Variants in INSYN2B observed in about 807,000 individuals in gnomAD.
The protein encoded by INSYN2B is protein INSYN2B.
INSYN2B carries 16 observed loss-of-function variants against 41.2 expected under a neutral mutation model. The observed-to-expected ratio is 0.39, with a 90% CI of 0.26 to 0.59. The LOEUF (loss-of-function observed/expected upper bound fraction) is 0.59. Ranked by LOEUF, INSYN2B falls within the 20% of genes least tolerant of loss-of-function variation. The pLI, the probability that INSYN2B is intolerant of heterozygous loss-of-function variation, is 0.57. For synonymous variants in INSYN2B, 245 were observed against 244.4 expected, an observed-to-expected ratio of 1.00 and a Z score of -0.02; for missense variants, 608 against 646.4, an observed-to-expected ratio of 0.94 and a Z score of 0.64.
intron 1 of INSYN2B, among the ~76,000 whole-genome samples, chr5:169,939,061 G>A (rs1029973684): frequency 4.6e-5 from 7 of 151,320 alleles, no homozygotes; most frequent in Non-Finnish European, 8.8e-5. Context: ...GCACCACCAC[G>A]CCCTGCTAAT....
intron 1 of INSYN2B, among the ~76,000 whole-genome samples, chr5:169,961,693 C>T (rs1020047553): frequency 1.2e-4 from 18 of 151,994 alleles, no homozygotes; most frequent in Non-Finnish European, 2.4e-4. Flanking sequence ...AGAATAGAAG[C>T]CAGGCCGGGT....
intron 1 of INSYN2B, among the ~76,000 whole-genome samples, chr5:169,931,486 A>C (rs1340422461): frequency 6.6e-6 from 1 of 152,222 alleles, no homozygotes. Context: ...GGCATATAAA[A>C]TTAGATGTGG....
chr5:169,972,566 TA>T (rs1365811254), intron 1 of INSYN2B, among the ~76,000 whole-genome samples: 14 of 59,434 alleles, frequency 2.4e-4, no homozygotes, highest in South Asian at 7.1e-4. Context: ...GATAGATAGA[TA>T]GATAGATAGA....
intron 3 of INSYN2B, among the ~76,000 whole-genome samples, chr5:169,877,078 C>T (rs1263089093): frequency 1.3e-5 from 2 of 152,158 alleles, no homozygotes; most frequent in African/African-American, 4.8e-5. Context: ...GTCCAGATAA[C>T]TGACATTTAA....
At chr5:169,900,321 A>T (rs747985943) in intron 1 of INSYN2B, among the ~76,000 whole-genome samples, 7 of 152,214 alleles carry the variant, frequency 4.6e-5, no homozygotes, top group Non-Finnish European at 7.3e-5. Flanking sequence ...TTCTATGATG[A>T]CTAGGAGTTC....
At chr5:169,891,944 C>T (rs1482278758) in intron 1 of INSYN2B, among the ~76,000 whole-genome samples, 2 of 146,494 alleles carry the variant, frequency 1.4e-5, no homozygotes, top group African/African-American at 5.1e-5. Flanking sequence ...TGCAGTGAGC[C>T]GAGATTGTGC....
chr5:169,945,411 C>T (rs1032532255), intron 1 of INSYN2B, among the ~76,000 whole-genome samples: 1 of 152,248 alleles, frequency 6.6e-6, no homozygotes, highest in Non-Finnish European at 1.5e-5. Context: ...AGTGAAAAAT[C>T]AGTGAGAATA....
intron 1 of INSYN2B, among the ~76,000 whole-genome samples, chr5:169,915,319 T>G (rs1166096707): frequency 6.6e-6 from 1 of 152,168 alleles, no homozygotes; most frequent in Non-Finnish European, 1.5e-5. Flanking sequence ...AAATCTTTAC[T>G]CAAAATCATC....
At chr5:169,922,267 T>C (rs143595367) in intron 1 of INSYN2B, among the ~76,000 whole-genome samples, 2 of 152,336 alleles carry the variant, frequency 1.3e-5, no homozygotes, top group African/African-American at 4.8e-5. Context: ...TCTCATCTTA[T>C]GGAGGAAAAG....
At chr5:169,945,221 GC>G (rs1776397603) in intron 1 of INSYN2B, among the ~76,000 whole-genome samples, 1 of 152,250 alleles carries the variant, frequency 6.6e-6, no homozygotes, top group South Asian at 2.1e-4. Flanking sequence ...GGAAAGTCAT[GC>G]AACCTCTCCA....
chr5:169,925,435 C>A (rs1189248705), intron 1 of INSYN2B, among the ~76,000 whole-genome samples: 2 of 152,062 alleles, frequency 1.3e-5, no homozygotes, highest in East Asian at 1.9e-4. Flanking sequence ...CAAAAATTAA[C>A]TGAGCGTGGT....
intron 1 of INSYN2B, among the ~76,000 whole-genome samples, chr5:169,910,986 T>C (rs1361376313): frequency 6.6e-6 from 1 of 152,136 alleles, no homozygotes; most frequent in Non-Finnish European, 1.5e-5. Context: ...GAATAATAAG[T>C]GAAACCCTCA....
Position 169,876,133 on chromosome 5 carries a change from CCTT to C in INSYN2B, c.1421+5232_1421+5234del, listed in dbSNP as rs533918611. Among the ~76,000 whole-genome samples the C allele has an allele frequency of 1.4e-3, 207 of 152,300 alleles. 1 individual carries two copies. Among genetic ancestry groups the C allele is most frequent in the Non-Finnish European group, 4.0e-4 (27 of 68,014 alleles). ...GACCTTTGCCTCTGGCGTCACATCT[CCTT>C]CTCTGACTCTGATCCTCTGGCCTCC... On this transcript the variant is annotated intron_variant, in intron 3 of 3. Coordinates refer to ENST00000377365, the MANE Select transcript of INSYN2B (RefSeq NM_001129891.3).
intron 3 of INSYN2B, among the ~76,000 whole-genome samples, chr5:169,871,453 A>G (rs1025897911): frequency 1.3e-5 from 2 of 152,230 alleles, no homozygotes; most frequent in Admixed American, 1.3e-4. Context: ...CTATGCTACA[A>G]GTTTACACTC....
At chr5:169,897,559 A>G (rs1298127112) in intron 1 of INSYN2B, among the ~76,000 whole-genome samples, 1 of 152,198 alleles carries the variant, frequency 6.6e-6, no homozygotes, top group East Asian at 1.9e-4. Context: ...AGACTTCACT[A>G]CTGTATCAAG....
At chr5:169,909,039 A>C (rs1774449091) in intron 1 of INSYN2B, among the ~76,000 whole-genome samples, 1 of 152,162 alleles carries the variant, frequency 6.6e-6, no homozygotes, top group African/African-American at 2.4e-5. Context: ...CCTAGAGTGA[A>C]TGTGAGCGAG....
At chr5:169,945,564 C>A (rs929021852) in intron 1 of INSYN2B, among the ~76,000 whole-genome samples, 1 of 152,174 alleles carries the variant, frequency 6.6e-6, no homozygotes, top group African/African-American at 2.4e-5. Context: ...GTGCTCATTT[C>A]GAAGGTGAGA....
At chr5:169,966,759 G>A (rs1382543249) in intron 1 of INSYN2B, among the ~76,000 whole-genome samples, 1 of 152,102 alleles carries the variant, frequency 6.6e-6, no homozygotes, top group Non-Finnish European at 1.5e-5. Context: ...GGAAAATGAG[G>A]CCGGAAAGAA....
At chr5:169,973,912 A>G (rs1000572027) in intron 1 of INSYN2B, among the ~76,000 whole-genome samples, 6 of 152,218 alleles carry the variant, frequency 3.9e-5, no homozygotes, top group Non-Finnish European at 7.3e-5. Context: ...CCATCCGTCC[A>G]TCATCCATTC....
Sources: gnomAD v4.1 joint callset for allele counts (sites outside exome capture counted in the v4.1 genomes callset) on GRCh38, gnomAD v4.1.1 for gene constraint, MANE v1.5 for transcripts, NCBI Gene and HGNC (gene_info 2026-07-23, HGNC 2026-07-21) for gene names.